Variants in ZNF521 observed in about 807,000 individuals in gnomAD.
The protein encoded by ZNF521 is LYST-interacting protein 3.
In ZNF521, 14 loss-of-function variants were observed where a neutral mutation model predicts 105.5. That is an observed-to-expected ratio of 0.13 (90% CI 0.09 to 0.21). The LOEUF is 0.21. ZNF521 is among the 10% of genes least tolerant of loss of function. ZNF521 has a pLI of 1.00. For missense variants in ZNF521, 1,233 were observed against 1,629.7 expected (o/e 0.76, Z 4.19); for synonymous variants, 635 against 606.0 (o/e 1.05, Z -0.70).
At chr18:25,297,080 T>TAC (rs951474603) in intron 3 of ZNF521, among the ~76,000 whole-genome samples, 68 of 151,074 alleles carry the variant, frequency 4.5e-4, no homozygotes, top group Admixed American at 4.0e-3. Context: ...TACACACACA[T>TAC]ACACACACAC....
rs551655415 is a variant in ZNF521 at position 25,290,704 on chromosome 18, G to A, written c.220+31304C>T. ...TGGCTCACTGCAACCTCCACCTCCC[G>A]GGTTCAAGCAATTCTCGTGCCTCAG... On this transcript the variant is annotated intron_variant, in intron 3 of 7. Coordinates refer to ENST00000361524, the MANE Select transcript of ZNF521 (RefSeq NM_015461.3). Among the ~76,000 whole-genome samples the A allele has an allele frequency of 1.2e-4, 18 of 145,196 alleles. No individual in the cohort carries two copies. The East Asian group carries it at 3.1e-3, about 25-fold the overall frequency.
chr18:25,168,664 C>T (rs1037845119), intron 5 of ZNF521, among the ~76,000 whole-genome samples: 3 of 152,156 alleles, frequency 2.0e-5, no homozygotes, highest in Admixed American at 6.5e-5. Context: ...CACTAAACTG[C>T]GTGAGCTACA....
intron 4 of ZNF521, among the ~76,000 whole-genome samples, chr18:25,218,241 T>C (rs965099564): frequency 1.3e-5 from 2 of 151,964 alleles, no homozygotes; most frequent in African/African-American, 4.8e-5. Flanking sequence ...GGTGTGGAGA[T>C]GGATTTGAAA....
At chr18:25,260,921 T>C (rs999091863) in intron 3 of ZNF521, among the ~76,000 whole-genome samples, 2 of 152,180 alleles carry the variant, frequency 1.3e-5, no homozygotes, top group Non-Finnish European at 2.9e-5. Context: ...AAATAATAGA[T>C]ATCTTTCTTA....
At chr18:25,230,931 T>A (rs1049376807) in intron 3 of ZNF521, among the ~76,000 whole-genome samples, 6 of 152,186 alleles carry the variant, frequency 3.9e-5, no homozygotes, top group Non-Finnish European at 1.5e-5. Flanking sequence ...AGTTTCACCA[T>A]TTCCATAAAG....
intron 3 of ZNF521, among the ~76,000 whole-genome samples, chr18:25,284,865 T>C (rs1450775476): frequency 1.3e-5 from 2 of 151,516 alleles, no homozygotes; most frequent in Non-Finnish European, 2.9e-5. Flanking sequence ...CAAAAGAGGT[T>C]TCTAGTGAGA....
intron 3 of ZNF521, among the ~76,000 whole-genome samples, chr18:25,257,862 T>C (rs1361383568): frequency 1.3e-5 from 2 of 152,192 alleles, no homozygotes; most frequent in African/African-American, 4.8e-5. Flanking sequence ...AACAACTTTC[T>C]CATGTCTCTT....
chr18:25,118,288 T>A (rs1278601858), intron 5 of ZNF521, among the ~76,000 whole-genome samples: 1 of 152,044 alleles, frequency 6.6e-6, no homozygotes, highest in Non-Finnish European at 1.5e-5. Flanking sequence ...TATAAAGAGT[T>A]CTTCTTCAGA....
chr18:25,242,116 C>T (rs1907378773), intron 3 of ZNF521, among the ~76,000 whole-genome samples: 1 of 152,170 alleles, frequency 6.6e-6, no homozygotes, highest in Non-Finnish European at 1.5e-5. Flanking sequence ...CCTGTTATGT[C>T]CAATCTGTCA....
rs1199294158 is a variant in ZNF521, at chr18:25,139,376, A to AAG, written c.3659-47296_3659-47295insCT. On this transcript the variant is annotated intron_variant, in intron 5 of 7. Transcript: ENST00000361524. ...CGACAGAGCAAGACTCTGTCTCAAAAAAAAAAAAAAAAAAAAAAAAAAAAA... is the reference window on the plus strand; with the variant it reads ...CGACAGAGCAAGACTCTGTCTCAAAAAGAAAAAAAAAAAAAAAAAAAAAAAAA... Among the ~76,000 whole-genome samples the AAG allele has an allele frequency of 5.3e-3, 230 of 42,994 alleles. 2 individuals carry two copies. The highest frequency in any genetic ancestry group is 0.021 in the African/African-American group (215 of 10,454). 28.2% of individuals were successfully genotyped at this position (42,994 alleles called of 152,430 possible).
rs373584436 is a variant in ZNF521, at chr18:25,129,686, G to T, written c.3659-37605C>A. ...GTGGCGGGGTGGGGGGTATGATCTGGACACTTCACCGAAGAAGATACACAG... is the reference window on the plus strand; with the variant it reads ...GTGGCGGGGTGGGGGGTATGATCTGTACACTTCACCGAAGAAGATACACAG... On this transcript the variant is annotated intron_variant, in intron 5 of 7. Transcript: ENST00000361524. 8.6e-5 allele frequency among the ~76,000 whole-genome samples: 13 copies of T among 152,008 alleles called. No homozygotes were observed. The East Asian group carries it at 2.1e-3, about 25-fold the overall frequency.
At chr18:25,244,282 G>GCACACACA (rs57083520) in intron 3 of ZNF521, among the ~76,000 whole-genome samples, 52 of 147,438 alleles carry the variant, frequency 3.5e-4, no homozygotes, top group Middle Eastern at 3.4e-3. Flanking sequence ...GTATGCATGT[G>GCACACACA]CACACACACA....
intron 5 of ZNF521, among the ~76,000 whole-genome samples, chr18:25,178,649 G>T (rs1041199601): frequency 6.6e-6 from 1 of 152,172 alleles, no homozygotes; most frequent in Non-Finnish European, 1.5e-5. Context: ...TAAGAAAGTA[G>T]AAGAGAATAC....
intron 5 of ZNF521, among the ~76,000 whole-genome samples, chr18:25,113,502 G>A (rs559611721): frequency 6.6e-6 from 1 of 152,218 alleles, no homozygotes; most frequent in Admixed American, 6.5e-5. Context: ...TTAAGCAAAT[G>A]CTAATGTTGT....
chr18:25,101,334 G>C (rs1306362063), intron 5 of ZNF521, among the ~76,000 whole-genome samples: 1 of 152,040 alleles, frequency 6.6e-6, no homozygotes, highest in Non-Finnish European at 1.5e-5. Flanking sequence ...CATGGAAGTG[G>C]GTATCCTAGA....
At chr18:25,304,188 A>T (rs1911836047) in intron 3 of ZNF521, among the ~76,000 whole-genome samples, 1 of 152,252 alleles carries the variant, frequency 6.6e-6, no homozygotes, top group South Asian at 2.1e-4. Context: ...ATGACATTTT[A>T]ACAAAAGCAT....
intron 4 of ZNF521, among the ~76,000 whole-genome samples, chr18:25,209,969 G>A (rs1057387000): frequency 6.6e-6 from 1 of 152,090 alleles, no homozygotes; most frequent in Admixed American, 6.5e-5. Context: ...GTGGAAATAT[G>A]ATTCCTCATT....
chr18:25,147,038 T>G (rs1233417873), intron 5 of ZNF521, among the ~76,000 whole-genome samples: 2 of 152,206 alleles, frequency 1.3e-5, no homozygotes, highest in Non-Finnish European at 2.9e-5. Flanking sequence ...GCTTTGGTTT[T>G]CTTCTTCTGA....
intron 5 of ZNF521, among the ~76,000 whole-genome samples, chr18:25,148,123 G>C (rs911747314): frequency 1.3e-5 from 2 of 152,184 alleles, no homozygotes; most frequent in African/African-American, 4.8e-5. Flanking sequence ...TGACCATTTG[G>C]AGAAGGGGAC....
Sources: allele counts gnomAD v4.1 joint callset (sites outside exome capture counted in the v4.1 genomes callset), GRCh38; gene constraint gnomAD v4.1.1; transcripts MANE v1.5; gene names NCBI Gene and HGNC (gene_info 2026-07-23, HGNC 2026-07-21).